FAM117B: variants seen among roughly 807,000 people sequenced by gnomAD.
FAM117B encodes the protein family with sequence similarity 117 member B.
Under a neutral mutation model 52.8 loss-of-function variants are expected in FAM117B, and 22 were observed. That is an observed-to-expected ratio of 0.42 (90% CI 0.30 to 0.59). The LOEUF (loss-of-function observed/expected upper bound fraction) is 0.59, where lower values mean the gene tolerates loss of function less well. Among genes scored for constraint, FAM117B ranks in the 20% least tolerant of loss-of-function variants. FAM117B has a pLI of 0.22. For synonymous variants in FAM117B, 309 were observed against 324.1 expected, an observed-to-expected ratio of 0.95 and a Z score of 0.50; for missense variants, 678 against 802.6, an observed-to-expected ratio of 0.84 and a Z score of 1.88.
At chr2:202,662,583 C>CTGT (rs1553519045) in intron 1 of FAM117B, among the ~76,000 whole-genome samples, 2 of 152,184 alleles carry the variant, frequency 1.3e-5, no homozygotes, top group Non-Finnish European at 2.9e-5. Flanking sequence ...TGGCTCACGC[C>CTGT]TGTAATCCCA....
At chr2:202,749,473 T>G (rs1258916865) in intron 4 of FAM117B, among the ~76,000 whole-genome samples, 1 of 151,626 alleles carries the variant, frequency 6.6e-6, no homozygotes, top group Non-Finnish European at 1.5e-5. Flanking sequence ...TTCAGAACAC[T>G]AGGTACGATC....
chr2:202,636,716 C>T (rs576951640), intron 1 of FAM117B, among the ~76,000 whole-genome samples: 123 of 152,226 alleles, frequency 8.1e-4, no homozygotes, highest in African/African-American at 2.8e-3. Context: ...CAACATATAT[C>T]TTTGTCTTTC....
chr2:202,635,012 G>T lies in FAM117B; in HGVS notation c.-176G>T, dbSNP rs1317564563. Among the ~76,000 whole-genome samples, 1 of 142,398 alleles carries T rather than the reference G, an allele frequency of 7.0e-6. No homozygotes were observed. Among genetic ancestry groups the T allele is most frequent in the Non-Finnish European group, 1.6e-5 (1 of 62,750 alleles). 93.4% of individuals were successfully genotyped at this position (142,398 alleles called of 152,430 possible). A position where few individuals can be genotyped will look rare whatever the true frequency, so the allele number is the denominator to read the frequency against. Reference sequence around the variant, plus strand: ...GATGAGGAGCGGCGGCGGCGGCGGCGGCGGCTGCACCACCTCGTTGCTGCC... The same window carrying T: ...GATGAGGAGCGGCGGCGGCGGCGGCTGCGGCTGCACCACCTCGTTGCTGCC... On this transcript the variant is annotated 5_prime_UTR_variant, in exon 1 of 8. Coordinates refer to ENST00000392238, the MANE Select transcript of FAM117B (RefSeq NM_173511.4).
intron 2 of FAM117B, among the ~76,000 whole-genome samples, chr2:202,724,374 G>A (rs1372929909): frequency 6.6e-6 from 1 of 152,176 alleles, no homozygotes; most frequent in African/African-American, 2.4e-5. Flanking sequence ...GTTCTCTGAA[G>A]ATACTTATGG....
rs149879248 is a variant in FAM117B, at chr2:202,709,907, A to G, written c.753+13875A>G. Reference sequence around the variant, plus strand: ...TTGTTGAAGAGACTGTCCTTCCCCCATTGGCACCCTCATTGAAGATTGGTT... The same window carrying G: ...TTGTTGAAGAGACTGTCCTTCCCCCGTTGGCACCCTCATTGAAGATTGGTT... On this transcript the variant is annotated intron_variant, in intron 2 of 7. Transcript: ENST00000392238. Among the ~76,000 whole-genome samples the G allele has an allele frequency of 5.3e-5, 8 of 152,270 alleles. No individual in the cohort carries two copies. In the East Asian group the frequency reaches 1.2e-3, roughly 22 times the overall value.
At chr2:202,639,963 G>T (rs1051656422) in intron 1 of FAM117B, among the ~76,000 whole-genome samples, 1 of 151,812 alleles carries the variant, frequency 6.6e-6, no homozygotes, top group African/African-American at 2.4e-5. Context: ...ATTACTTAGG[G>T]TGTGTGGTAT....
intron 2 of FAM117B, among the ~76,000 whole-genome samples, chr2:202,722,201 G>T (rs545683230): frequency 6.6e-6 from 1 of 151,586 alleles, no homozygotes; most frequent in Non-Finnish European, 1.5e-5. Context: ...TTGTAGAGAC[G>T]GGGTTTCACT....
intron 4 of FAM117B, among the ~76,000 whole-genome samples, chr2:202,755,004 G>T (rs1487833787): frequency 6.6e-6 from 1 of 151,674 alleles, no homozygotes; most frequent in Non-Finnish European, 1.5e-5. Flanking sequence ...TTAAATCATG[G>T]TGGAAGGCAA....
chr2:202,685,826 C>T (rs1271782098), intron 1 of FAM117B, among the ~76,000 whole-genome samples: 6 of 152,144 alleles, frequency 3.9e-5, no homozygotes, highest in Non-Finnish European at 8.8e-5. Flanking sequence ...AATGGAAAGA[C>T]TTCTAGAAGA....
intron 7 of FAM117B, 80 bp downstream of exon 7, chr2:202,759,433 AG>A: frequency 1.9e-6 from 3 of 1,541,852 alleles, no homozygotes; most frequent in Non-Finnish European, 2.6e-6. Context: ...TCTGTCATCT[AG>A]GCTGGACTGC....
At chr2:202,726,214 A>G in intron 3 of FAM117B, 36 bp from the exon 4 acceptor site, 1 of 1,447,548 alleles carries the variant, frequency 6.9e-7, no homozygotes. Context: ...TCATGTAGAA[A>G]ACACTCTGGT....
intron 6 of FAM117B, 118 bp from the exon 7 acceptor site, chr2:202,759,115 C>T (rs1691843698): frequency 3.8e-6 from 4 of 1,044,328 alleles, no homozygotes; most frequent in Admixed American, 2.6e-5. Flanking sequence ...TAATTATCTC[C>T]TTGATTAATA....
In FAM117B at chr2:202,635,307, G is replaced by C; in HGVS notation, c.120G>C (p.Pro40=). 1 of 1,423,532 alleles carries C rather than the reference G, an allele frequency of 7.0e-7. No individual in the cohort carries two copies. The highest frequency in any genetic ancestry group is 9.2e-7 in the Non-Finnish European group (1 of 1,087,402). The allele number at this position is 1,423,532 out of a possible 1,614,324, so 88.2% of individuals were successfully genotyped here. The change falls in exon 1 of 8, where the codon CCG becomes CCC. Residue 40 remains proline, a synonymous_variant. Transcript: ENST00000392238. The part of the protein sequence containing the change: ...SRLQPMRATV[P]FQLKQQQQQQ... ...TGCAGCCCATGAGGGCGACGGTTCC[G>C]TTCCAGCTGAAGCAGCAGCAGCAGC...
chr2:202,639,966 T>C (rs1689740786), intron 1 of FAM117B, among the ~76,000 whole-genome samples: 1 of 151,856 alleles, frequency 6.6e-6, no homozygotes, highest in Non-Finnish European at 1.5e-5. Flanking sequence ...ACTTAGGGTG[T>C]GTGGTATAAT....
chr2:202,705,628 A>G (rs1690859915), intron 2 of FAM117B, among the ~76,000 whole-genome samples: 1 of 152,160 alleles, frequency 6.6e-6, no homozygotes, highest in South Asian at 2.1e-4. Flanking sequence ...GTTTGTACAG[A>G]GCTACAATGT....
chr2:202,659,866 G>T (rs953734538), intron 1 of FAM117B, among the ~76,000 whole-genome samples: 2 of 151,466 alleles, frequency 1.3e-5, no homozygotes. Context: ...TGATCCACCC[G>T]CATCGGCCTC....
chr2:202,647,551 A>C (rs961124348), intron 1 of FAM117B, among the ~76,000 whole-genome samples: 4 of 152,236 alleles, frequency 2.6e-5, no homozygotes, highest in African/African-American at 7.2e-5. Context: ...AAACAAGAAG[A>C]AGCTTGTTGA....
intron 4 of FAM117B, among the ~76,000 whole-genome samples, chr2:202,740,030 A>T (rs1216694099): frequency 2.0e-5 from 3 of 151,528 alleles, no homozygotes; most frequent in Non-Finnish European, 4.4e-5. Flanking sequence ...AAAATTAGCC[A>T]GGCGTGGTGG....
intron 4 of FAM117B, among the ~76,000 whole-genome samples, chr2:202,744,882 C>G (rs1490521597): frequency 7.1e-6 from 1 of 141,000 alleles, no homozygotes; most frequent in Non-Finnish European, 1.5e-5. Context: ...GAGTCTGAGA[C>G]AAGAGAATCA....
Sources: gnomAD v4.1 joint callset for allele counts (sites outside exome capture counted in the v4.1 genomes callset) on GRCh38, gnomAD v4.1.1 for gene constraint, MANE v1.5 for transcripts, NCBI Gene and HGNC (gene_info 2026-07-23, HGNC 2026-07-21) for gene names.